FAM81A: variants seen among roughly 807,000 people sequenced by gnomAD.
FAM81A encodes the protein protein FAM81A.
FAM81A carries 19 observed loss-of-function variants against 46.7 expected under a neutral mutation model. The ratio of observed to expected loss-of-function variants is 0.41; its 90% confidence interval spans 0.28 to 0.60. The LOEUF (loss-of-function observed/expected upper bound fraction) is 0.60, where lower values mean the gene tolerates loss of function less well. Ranked by LOEUF, FAM81A falls within the 20% of genes least tolerant of loss-of-function variation. The pLI is 0.34. For missense variants in FAM81A, 377 were observed against 453.5 expected (o/e 0.83, Z 1.53); for synonymous variants, 183 against 152.9 (o/e 1.20, Z -1.45).
At chr15:59,458,292 T>C (rs1300720813) in intron 1 of FAM81A, among the ~76,000 whole-genome samples, 1 of 152,240 alleles carries the variant, frequency 6.6e-6, no homozygotes, top group Non-Finnish European at 1.5e-5. Context: ...GGAAACTCCA[T>C]TGTACAGTCC....
At chr15:59,516,961 A>C (rs2082274273) in intron 8 of FAM81A, 121 bp downstream of exon 8, 1 of 961,014 alleles carries the variant, frequency 1.0e-6, no homozygotes, top group African/African-American at 1.7e-5. Flanking sequence ...AAATATCCTT[A>C]GTTGATTTTC....
intron 3 of FAM81A, among the ~76,000 whole-genome samples, chr15:59,468,256 C>T (rs560287306): frequency 2.0e-3 from 309 of 152,106 alleles, no homozygotes; most frequent in Non-Finnish European, 2.3e-3. Flanking sequence ...TCTTTTTCTA[C>T]TGATTGGAAT....
At chr15:59,502,872 C>T (rs1485623222) in intron 4 of FAM81A, among the ~76,000 whole-genome samples, 4 of 151,994 alleles carry the variant, frequency 2.6e-5, no homozygotes, top group Non-Finnish European at 4.4e-5. Context: ...TCTCTGTGTC[C>T]CCTGCCCAGC....
At chr15:59,468,080 G>T (rs148153483) in intron 3 of FAM81A, among the ~76,000 whole-genome samples, 1 of 152,106 alleles carries the variant, frequency 6.6e-6, no homozygotes, top group East Asian at 1.9e-4. Context: ...TGGTGGATAA[G>T]CTTTTTGATG....
intron 2 of FAM81A, among the ~76,000 whole-genome samples, chr15:59,428,342 C>T (rs990072536): frequency 6.6e-6 from 1 of 151,926 alleles, no homozygotes; most frequent in Admixed American, 6.6e-5. Flanking sequence ...ATCCAATCTG[C>T]AGTGATTGCT....
intron 1 of FAM81A, among the ~76,000 whole-genome samples, chr15:59,449,574 G>T (rs2081390843): frequency 6.6e-6 from 1 of 152,064 alleles, no homozygotes; most frequent in African/African-American, 2.4e-5. Context: ...GAGGTCAGGA[G>T]ATCGAGACCA....
chr15:59,428,657 G>A (rs1217096385), intron 2 of FAM81A, among the ~76,000 whole-genome samples: 2 of 98,950 alleles, frequency 2.0e-5, no homozygotes, highest in Non-Finnish European at 3.7e-5. Flanking sequence ...TTGAGATAGT[G>A]TCTCACTCTG....
In FAM81A at chr15:59,423,753, T is replaced by G. The variant is rs147335385; in HGVS notation, c.-78+21395T>G. Among the ~76,000 whole-genome samples the G allele has an allele frequency of 5.9e-4, 90 of 152,372 alleles. No individual in the cohort carries two copies. The East Asian group carries it at 0.015, about 26-fold the overall frequency. On this transcript the variant is annotated intron_variant, in intron 2 of 4. Transcript: ENST00000558348. ...AAGGAGATTTCATGCTGAAAGTTTT[T>G]CATATAATGTAAGAGACTTATATTT...
At chr15:59,425,461 C>G (rs2081191048) in intron 2 of FAM81A, among the ~76,000 whole-genome samples, 1 of 152,152 alleles carries the variant, frequency 6.6e-6, no homozygotes, top group Admixed American at 6.5e-5. Flanking sequence ...TTCTGTTATT[C>G]ATAAGCCTTA....
chr15:59,438,570 C>G (rs2081262036), intron 1 of FAM81A: 1 of 152,284 alleles, frequency 6.6e-6, no homozygotes, highest in South Asian at 2.1e-4. Flanking sequence ...TGGGGTGGTG[C>G]ACGGATTGCC....
Position 59,508,965 on chromosome 15 carries a change from A to G in FAM81A, c.646A>G (p.Thr216Ala), listed in dbSNP as rs1381881879. Residue 216 changes from threonine to alanine, a missense_variant, in exon 6 of 9, where the codon ACT becomes GCT. Coordinates refer to ENST00000288228, the MANE Select transcript of FAM81A (RefSeq NM_152450.3). ...TAACCACCAGCTTCAGCTTTTGGAC[A>G]CTAAGTAAGCAATCAATTTATTAAA... ...DSNHQLQLLD[T>A]KFKGTVEELS... is the part of the protein sequence containing the mutation. 11 of 1,610,474 alleles carry G rather than the reference A, an allele frequency of 6.8e-6. No individual in the cohort carries two copies. The highest frequency in any genetic ancestry group is 3.3e-4 in the Middle Eastern group (2 of 6,042).
intron 5 of FAM81A, among the ~76,000 whole-genome samples, chr15:59,508,469 C>A (rs1489659691): frequency 6.6e-6 from 1 of 152,134 alleles, no homozygotes; most frequent in Non-Finnish European, 1.5e-5. Context: ...GGAGGTAAAT[C>A]TGAGACCTTG....
At chr15:59,457,615 G>A (rs1365347515) in intron 1 of FAM81A, among the ~76,000 whole-genome samples, 2 of 152,232 alleles carry the variant, frequency 1.3e-5, no homozygotes, top group East Asian at 3.9e-4. Context: ...AGAACTCTTT[G>A]GGCACCATAG....
At chr15:59,414,593 G>A (rs1477584014) in intron 2 of FAM81A, among the ~76,000 whole-genome samples, 1 of 152,160 alleles carries the variant, frequency 6.6e-6, no homozygotes, top group Non-Finnish European at 1.5e-5. Context: ...CTCCTGTGAT[G>A]AGTTAATCTT....
chr15:59,411,040 G>A (rs1242206950), intron 2 of FAM81A, among the ~76,000 whole-genome samples: 9 of 152,192 alleles, frequency 5.9e-5, no homozygotes, highest in South Asian at 2.1e-4. Context: ...GTGAGCCACC[G>A]CGCCAGGCCC....
At chr15:59,477,628 C>T (rs1009793133) in intron 3 of FAM81A, among the ~76,000 whole-genome samples, 1 of 152,176 alleles carries the variant, frequency 6.6e-6, no homozygotes. Flanking sequence ...AGAACAGAGT[C>T]TTAATATTTC....
chr15:59,489,294 CATACATACATACATACATAT>C (rs1285587129), intron 3 of FAM81A, among the ~76,000 whole-genome samples: 3 of 150,678 alleles, frequency 2.0e-5, no homozygotes, highest in Non-Finnish European at 3.0e-5. Context: ...TACATACATA[CATACATACATACATACATAT>C]ATACATACAT....
intron 8 of FAM81A, among the ~76,000 whole-genome samples, chr15:59,518,794 CAT>C: frequency 6.6e-6 from 1 of 151,198 alleles, no homozygotes; most frequent in South Asian, 2.1e-4. Context: ...TTTCTAATTA[CAT>C]GTTTTTTAAA....
intron 6 of FAM81A, among the ~76,000 whole-genome samples, chr15:59,510,301 G>C (rs775869684): frequency 3.3e-4 from 49 of 150,144 alleles, no homozygotes; most frequent in South Asian, 1.7e-3. Flanking sequence ...AGGAGGCAGA[G>C]GTTGCAGCAG....
Sources: gnomAD v4.1 joint callset for allele counts (sites outside exome capture counted in the v4.1 genomes callset) on GRCh38, gnomAD v4.1.1 for gene constraint, MANE v1.5 for transcripts, NCBI Gene and HGNC (gene_info 2026-07-23, HGNC 2026-07-21) for gene names.